Variants in CLEC17A observed in about 807,000 individuals in gnomAD.
CLEC17A encodes C-type lectin domain family 17, member A.
In CLEC17A, 37 loss-of-function variants were observed where a neutral mutation model predicts 61.3. The ratio of observed to expected loss-of-function variants is 0.60; its 90% CI spans 0.46 to 0.79. CLEC17A has a LOEUF of 0.79. Ranked by LOEUF, CLEC17A falls within the 30% of genes least tolerant of loss-of-function variation. The pLI is 0.00. For synonymous variants in CLEC17A, 168 were observed against 164.9 expected, an observed-to-expected ratio of 1.02 and a Z score of -0.14; for missense variants, 418 against 464.7, an observed-to-expected ratio of 0.90 and a Z score of 0.92.
At chr19:14,598,304 TTCTCTC>T (rs111468753) in intron 10 of CLEC17A, among the ~76,000 whole-genome samples, 32 of 149,114 alleles carry the variant, frequency 2.1e-4, no homozygotes, top group South Asian at 2.1e-4. Context: ...TGTTCTTTCT[TTCTCTC>T]TCTCTCTCTC....
At chr19:14,584,582 T>A (rs1470395315) in intron 2 of CLEC17A, among the ~76,000 whole-genome samples, 1 of 151,956 alleles carries the variant, frequency 6.6e-6, no homozygotes, top group Non-Finnish European at 1.5e-5. Flanking sequence ...ATATCCCCCA[T>A]CTCTGAGTCC....
In CLEC17A at chr19:14,611,740, G is replaced by A. The variant is rs543482605; in HGVS notation, c.*1544G>A. 6.6e-6 allele frequency among the ~76,000 whole-genome samples: 1 copy of A among 152,236 alleles called. No individual in the cohort carries two copies. The highest frequency in any genetic ancestry group is 6.5e-5 in the Admixed American group (1 of 15,268). The stretch of plus-strand genomic sequence containing the variant: ...TTACTTGCCAGGCACAGTGGCTCAC[G>A]CCTGTAATCCCAGCACTCTGGGAGA... On this transcript the variant is annotated 3_prime_UTR_variant, in exon 14 of 14. Transcript: ENST00000417570.
At chr19:14,608,234 CTCCTGAGAA>C (rs1230513255) in intron 13 of CLEC17A, among the ~76,000 whole-genome samples, 1 of 152,180 alleles carries the variant, frequency 6.6e-6, no homozygotes, top group East Asian at 1.9e-4. Flanking sequence ...TGCCTTAAAT[CTCCTGAGAA>C]TCCTTCTGCT....
At chr19:14,586,663 G>A (rs1302832390) in intron 2 of CLEC17A, among the ~76,000 whole-genome samples, 1 of 152,010 alleles carries the variant, frequency 6.6e-6, no homozygotes, top group East Asian at 1.9e-4. Flanking sequence ...CTGGCCTCAA[G>A]CGATCCTCCT....
At chr19:14,597,993 T>C (rs2074590404) in intron 10 of CLEC17A, among the ~76,000 whole-genome samples, 1 of 152,178 alleles carries the variant, frequency 6.6e-6, no homozygotes, top group Admixed American at 6.6e-5. Context: ...ACGTTAATTA[T>C]AGAAGAATCT....
At chr19:14,589,873 A>G (rs1369481393) in intron 3 of CLEC17A, among the ~76,000 whole-genome samples, 1 of 129,926 alleles carries the variant, frequency 7.7e-6, no homozygotes, top group African/African-American at 3.0e-5. Context: ...CATGTTGTGA[A>G]GATGCCCAGT....
intron 13 of CLEC17A, among the ~76,000 whole-genome samples, chr19:14,607,404 C>T (rs562202392): frequency 1.7e-3 from 261 of 151,690 alleles, no homozygotes; most frequent in Middle Eastern, 6.8e-3. Flanking sequence ...GGGGTTTCAC[C>T]GTGTTAGCCA....
intron 13 of CLEC17A, among the ~76,000 whole-genome samples, chr19:14,607,691 C>G (rs928258512): frequency 1.3e-5 from 2 of 151,482 alleles, no homozygotes; most frequent in Non-Finnish European, 2.9e-5. Context: ...ATTCTTCCAC[C>G]TTAGTCTCCC....
In CLEC17A at chr19:14,605,386, G is replaced by A. The variant is rs369492118; in HGVS notation, c.895-1607G>A. ...GCTGGGATTACAGGCATGAGCCACC[G>A]CGCCCGGCCACCTCCCCACATTTTA... On this transcript the variant is annotated intron_variant, in intron 12 of 13. Coordinates refer to ENST00000417570, the MANE Select transcript of CLEC17A (RefSeq NM_001204118.2). Among the ~76,000 whole-genome samples, 89 of 151,962 alleles carry A rather than the reference G, an allele frequency of 5.9e-4. No individual in the cohort carries two copies. In the South Asian group the frequency reaches 0.017, roughly 29 times the overall value.
intron 13 of CLEC17A, among the ~76,000 whole-genome samples, chr19:14,607,414 A>T (rs1010461073): frequency 6.6e-6 from 1 of 151,728 alleles, no homozygotes; most frequent in East Asian, 1.9e-4. Context: ...CGTGTTAGCC[A>T]GGATGGTCTT....
intron 7 of CLEC17A, among the ~76,000 whole-genome samples, chr19:14,595,030 CCTGG>C (rs1568453062): frequency 6.6e-6 from 1 of 152,144 alleles, no homozygotes; most frequent in Non-Finnish European, 1.5e-5. Context: ...AACCACCACA[CCTGG>C]CTAAGTTTTG....
In CLEC17A at chr19:14,596,904, G is replaced by A. The variant is rs776533743; in HGVS notation, c.474G>A (p.Arg158=). The change falls in exon 9 of 14, where the codon AGG becomes AGA. Residue 158 remains arginine, a synonymous_variant. Coordinates refer to ENST00000417570, the MANE Select transcript of CLEC17A (RefSeq NM_001204118.2). ...AATPVPWLNQ[R]SGGPGCCQKR... is the part of the protein sequence containing the mutation. ...CTCCAGTCCCCTGGCTCAATCAGAG[G>A]TCTGGAGGTCCTGGCTGCTGCCAGA... 6.2e-7 allele frequency: 1 copy of A among 1,608,740 alleles called. No individual in the cohort carries two copies. The highest frequency in any genetic ancestry group is 1.7e-5 in the Admixed American group (1 of 59,656).
intron 10 of CLEC17A, among the ~76,000 whole-genome samples, chr19:14,598,548 A>G (rs930498927): frequency 2.6e-5 from 4 of 151,720 alleles, no homozygotes; most frequent in African/African-American, 9.7e-5. Flanking sequence ...ATCTCAGCTC[A>G]CTGCAACCTC....
At chr19:14,600,800 T>A (rs2038817464) in intron 12 of CLEC17A, among the ~76,000 whole-genome samples, 1 of 151,460 alleles carries the variant, frequency 6.6e-6, no homozygotes, top group African/African-American at 2.4e-5. Context: ...TTAGCCAGGA[T>A]GGATGGTCTT....
intron 12 of CLEC17A, among the ~76,000 whole-genome samples, chr19:14,605,068 C>T (rs1353554863): frequency 6.6e-6 from 1 of 151,970 alleles, no homozygotes; most frequent in Non-Finnish European, 1.5e-5. Flanking sequence ...CATGGTGGCT[C>T]ACGCCTGTAA....
intron 13 of CLEC17A, among the ~76,000 whole-genome samples, chr19:14,607,717 C>T (rs1465798391): frequency 6.6e-6 from 1 of 151,770 alleles, no homozygotes; most frequent in Non-Finnish European, 1.5e-5. Context: ...GCTGGGATTA[C>T]AGACACCCGC....
At chr19:14,597,480 G>A (rs2074578351) in intron 10 of CLEC17A, among the ~76,000 whole-genome samples, 1 of 152,206 alleles carries the variant, frequency 6.6e-6, no homozygotes, top group South Asian at 2.1e-4. Context: ...AGTGGCACAT[G>A]CCTGTAATCC....
At chr19:14,603,382 T>G (rs899302881) in intron 12 of CLEC17A, among the ~76,000 whole-genome samples, 6 of 152,164 alleles carry the variant, frequency 3.9e-5, no homozygotes, top group African/African-American at 1.4e-4. Context: ...TTTTCTCATC[T>G]ACAAAATGGG....
rs180682127 is a variant in CLEC17A at position 14,601,893 on chromosome 19, C to T, written c.894+1711C>T. The stretch of plus-strand genomic sequence containing the variant: ...CTGCAAGCTCTGACTCCCGGGTTCA[C>T]GCCATTTTCCCACTTCAGCCTCCCG... On this transcript the variant is annotated intron_variant, in intron 12 of 13. Transcript: ENST00000417570. 1.1e-3 allele frequency among the ~76,000 whole-genome samples: 173 copies of T among 151,556 alleles called. 1 individual carries two copies. Among genetic ancestry groups the T allele is most frequent in the Middle Eastern group, 0.01 (3 of 294 alleles).
Sources: allele counts gnomAD v4.1 joint callset (sites outside exome capture counted in the v4.1 genomes callset), GRCh38; gene constraint gnomAD v4.1.1; transcripts MANE v1.5; gene names NCBI Gene and HGNC (gene_info 2026-07-23, HGNC 2026-07-21).